ETNK2: variants seen among roughly 807,000 people sequenced by gnomAD.
The protein encoded by ETNK2 is ethanolamine kinase 2, also known as ethanolamine kinase-like protein.
ETNK2 carries 33 observed loss-of-function variants against 46.2 expected under a neutral mutation model. The ratio of observed to expected loss-of-function variants is 0.71; its 90% confidence interval spans 0.54 to 0.96. The LOEUF (loss-of-function observed/expected upper bound fraction) is 0.96, where lower values mean the gene tolerates loss of function less well. ETNK2 is among the 40% of genes least tolerant of loss of function. ETNK2 has a pLI of 0.00. For missense variants in ETNK2, 445 were observed against 509.7 expected, an observed-to-expected ratio of 0.87 and a Z score of 1.22; for synonymous variants, 194 against 209.0, an observed-to-expected ratio of 0.93 and a Z score of 0.62.
In ETNK2 at chr1:204,149,693, C is replaced by A; in HGVS notation, c.518+10G>T. The A allele has an allele frequency of 6.4e-7, 1 of 1,569,728 alleles. No individual in the cohort carries two copies. Among genetic ancestry groups the A allele is most frequent in the Non-Finnish European group, 8.6e-7 (1 of 1,157,068 alleles). On this transcript the variant is annotated intron_variant, in intron 2 of 7. Coordinates refer to ENST00000367202, the MANE Select transcript of ETNK2 (RefSeq NM_018208.4). ...AATAGTAGAGACAGAGGCCCTGGCACCCTCCTCACCTGAAAAGCCGGGGCT... is the reference window on the plus strand; with the variant it reads ...AATAGTAGAGACAGAGGCCCTGGCAACCTCCTCACCTGAAAAGCCGGGGCT...
At chr1:204,137,355 G>A in intron 5 of ETNK2, 106 bp from the exon 6 acceptor site, 1 of 1,399,512 alleles carries the variant, frequency 7.1e-7, no homozygotes, top group Non-Finnish European at 9.6e-7. Flanking sequence ...CATCTCCTTT[G>A]ATCTTTGGGG....
chr1:204,148,962 A>G (rs900014006), intron 2 of ETNK2, among the ~76,000 whole-genome samples: 1 of 152,100 alleles, frequency 6.6e-6, no homozygotes, highest in Non-Finnish European at 1.5e-5. Context: ...GGGTCATGAC[A>G]TTGGAGGGAG....
At position 204,131,186 on chromosome 1, in the gene ETNK2, G is replaced by A. The variant is rs1487049949; in HGVS notation, c.*998C>T. On this transcript the variant is annotated 3_prime_UTR_variant, in exon 8 of 8. Transcript: ENST00000367202. The surrounding 1 kb of genome is among the most constrained non-coding windows in gnomAD (Gnocchi z 4.3). ...TAGAAAGGGAGGTGGAGGCTGTTGA[G>A]TGTCCGGGCAACCAGTTTAGTCAGC... The A allele has an allele frequency of 6.6e-6, 1 of 152,632 alleles. No homozygotes were observed. Among genetic ancestry groups the A allele is most frequent in the African/African-American group, 2.4e-5 (1 of 41,458 alleles). The allele number at this position is 152,632 out of a possible 1,614,324, so 9.5% of individuals were successfully genotyped here. A position where few individuals can be genotyped will look rare whatever the true frequency, so the allele number is the denominator to read the frequency against.
chr1:204,138,434 T>A (rs1463357373), intron 5 of ETNK2, among the ~76,000 whole-genome samples: 5 of 152,172 alleles, frequency 3.3e-5, no homozygotes, highest in Non-Finnish European at 5.9e-5. Flanking sequence ...GCTTAAGAAT[T>A]ATCCCTTGTG....
chr1:204,149,561 A>G (rs1475636562), intron 2 of ETNK2, 142 bp downstream of exon 2: 1 of 1,049,414 alleles, frequency 9.5e-7, no homozygotes, highest in Non-Finnish European at 1.3e-6. Flanking sequence ...CTGCAGAGCA[A>G]TGCATATAAA....
intron 5 of ETNK2, among the ~76,000 whole-genome samples, chr1:204,137,796 C>G (rs11240678): frequency 0.15 from 22,180 of 152,146 alleles, 1,941 homozygotes; most frequent in East Asian, 0.39. Context: ...AGAGCACCCC[C>G]ACCCCAGTCC....
intron 6 of ETNK2, among the ~76,000 whole-genome samples, chr1:204,136,674 T>C (rs1261328438): frequency 2.0e-5 from 3 of 148,930 alleles, no homozygotes; most frequent in African/African-American, 7.4e-5. Flanking sequence ...GATAGCGCCA[T>C]TGCACTCTAG....
chr1:204,149,761 CAT>C lies in ETNK2; in HGVS notation c.458_459del (p.Tyr153Ter). On this transcript the variant is annotated frameshift_variant, in exon 2 of 8. Coordinates refer to ENST00000367202, the MANE Select transcript of ETNK2 (RefSeq NM_018208.4). LOFTEE classifies it high-confidence loss of function. ...TCCAGGGCCACACCCTGCATGTACT[CAT>C]AGCACAGCCCATTCTGGAAGGTGCA... ...LYCTFQNGLC[Y>X]EYMQGVALEP... The C allele has an allele frequency of 6.2e-7, 1 of 1,605,598 alleles. No homozygotes were observed. Among genetic ancestry groups the C allele is most frequent in the Non-Finnish European group, 8.5e-7 (1 of 1,176,412 alleles).
chr1:204,148,490 A>G (rs552273713), intron 2 of ETNK2, among the ~76,000 whole-genome samples: 29 of 151,882 alleles, frequency 1.9e-4, no homozygotes, highest in African/African-American at 7.0e-4. Context: ...TCACATCTCC[A>G]GTCTGGGTCC....
At chr1:204,134,746 G>A in intron 6 of ETNK2, 158 bp from the exon 7 acceptor site, 1 of 1,546,586 alleles carries the variant, frequency 6.5e-7, no homozygotes, top group South Asian at 1.2e-5. Flanking sequence ...AAATTCTGGA[G>A]GCCAAGTCAC....
At chr1:204,146,865 C>T (rs753514562) in intron 2 of ETNK2, 101 bp from the exon 3 acceptor site, 3 of 1,494,030 alleles carry the variant, frequency 2.0e-6, no homozygotes, top group South Asian at 1.2e-5. Flanking sequence ...CCCACCAGGG[C>T]ACTTGCCAGA....
rs1349585501 is a variant in ETNK2, at chr1:204,147,381, A to G, written c.519-617T>C. On this transcript the variant is annotated intron_variant, in intron 2 of 7. Coordinates refer to ENST00000367202, the MANE Select transcript of ETNK2 (RefSeq NM_018208.4). Reference sequence around the variant, plus strand: ...GTTCTATTTTCAAGTTCTTCTGTGGACATTATCCAAGGTCTCAGGAGAGGA... The same window carrying G: ...GTTCTATTTTCAAGTTCTTCTGTGGGCATTATCCAAGGTCTCAGGAGAGGA... 3 of 525,582 alleles carry G rather than the reference A, an allele frequency of 5.7e-6. No homozygotes were observed. In the East Asian group the frequency reaches 1.6e-4, roughly 29 times the overall value. 32.6% of individuals were successfully genotyped at this position (525,582 alleles called of 1,614,324 possible).
At chr1:204,137,400 C>T (rs1252128313) in intron 5 of ETNK2, among the ~76,000 whole-genome samples, 151 bp from the exon 6 acceptor site, 1 of 152,180 alleles carries the variant, frequency 6.6e-6, no homozygotes, top group Non-Finnish European at 1.5e-5. Context: ...AAGGCAGCTT[C>T]TTTGATTACT....
intron 4 of ETNK2, 113 bp from the exon 5 acceptor site, chr1:204,140,231 A>T (rs1409512589): frequency 1.1e-5 from 9 of 788,942 alleles, no homozygotes; most frequent in Non-Finnish European, 1.8e-5. Context: ...CGGCCTCTGC[A>T]GCAACCCTGC....
In ETNK2 at chr1:204,136,956, T is replaced by C; in HGVS notation, c.1014+148A>G. The C allele has an allele frequency of 3.8e-6, 4 of 1,054,972 alleles. No individual in the cohort carries two copies. The Admixed American group carries it at 9.9e-5, about 26-fold the overall frequency. The allele number at this position is 1,054,972 out of a possible 1,614,324, so 65.4% of individuals were successfully genotyped here. ...CTGCCTAAGATGGCTCTTCCCAGGCTTCACCTCTAGGGTGGGGTCAGGAGC... is the reference window on the plus strand; with the variant it reads ...CTGCCTAAGATGGCTCTTCCCAGGCCTCACCTCTAGGGTGGGGTCAGGAGC... On this transcript the variant is annotated intron_variant, in intron 6 of 7. Coordinates refer to ENST00000367202, the MANE Select transcript of ETNK2 (RefSeq NM_018208.4).
intron 3 of ETNK2, among the ~76,000 whole-genome samples, chr1:204,146,283 C>T (rs1016572897): frequency 6.6e-6 from 1 of 152,156 alleles, no homozygotes; most frequent in Admixed American, 6.5e-5. Flanking sequence ...GGCTGGGAAA[C>T]AGAAGCTCTG....
chr1:204,146,966 C>G lies in ETNK2; in HGVS notation c.519-202G>C, dbSNP rs979763268. On this transcript the variant is annotated intron_variant, in intron 2 of 7. Coordinates refer to ENST00000367202, the MANE Select transcript of ETNK2 (RefSeq NM_018208.4). ...AGAAGAGAGGAGAATGAATTAAGAC[C>G]TTAGCCTGGCTGCTCCCTTTCCAGT... 8.4e-6 allele frequency: 6 copies of G among 715,558 alleles called. No homozygotes were observed. The African/African-American group carries it at 1.0e-4, about 13-fold the overall frequency. The allele number at this position is 715,558 out of a possible 1,614,324, so 44.3% of individuals were successfully genotyped here.
In ETNK2 at chr1:204,151,867, C is replaced by T; in HGVS notation, c.-15G>A. On this transcript the variant is annotated 5_prime_UTR_variant, in exon 1 of 8. The change creates a new upstream start codon in the 5' untranslated region. Coordinates refer to ENST00000367202, the MANE Select transcript of ETNK2 (RefSeq NM_018208.4). This position sits in a 1 kb window ranked among gnomAD's most constrained non-coding sequence, Gnocchi z 8.0. ...GGCACAGCCATTCCCAGCAGCCCCA[C>T]CCCCTCGGAGCCGCGGCAGACGCTA... The T allele has an allele frequency of 7.0e-7, 1 of 1,424,594 alleles. No individual in the cohort carries two copies. Among genetic ancestry groups the T allele is most frequent in the Non-Finnish European group, 9.1e-7 (1 of 1,094,568 alleles). 88.2% of individuals were successfully genotyped at this position (1,424,594 alleles called of 1,614,324 possible). A position where few individuals can be genotyped will look rare whatever the true frequency, so the allele number is the denominator to read the frequency against.
chr1:204,134,868 TG>T (rs1657222506), intron 6 of ETNK2, among the ~76,000 whole-genome samples: 1 of 152,164 alleles, frequency 6.6e-6, no homozygotes. Context: ...TGAGGAATTT[TG>T]GGGGGTTCCC....
Sources: allele counts gnomAD v4.1 joint callset (sites outside exome capture counted in the v4.1 genomes callset), GRCh38; gene constraint gnomAD v4.1.1; non-coding constraint Gnocchi (gnomAD v3.1); transcripts MANE v1.5; gene names NCBI Gene and HGNC (gene_info 2026-07-23, HGNC 2026-07-21).